The following ATP2B1 variants were observed in gnomAD, a reference collection of about 807,000 sequenced individuals.
The protein encoded by ATP2B1 is ATPase plasma membrane Ca2+ transporting 1.
A neutral mutation model predicts 124.2 loss-of-function variants in ATP2B1; 14 were observed. The observed-to-expected ratio is 0.11, with a 90% CI of 0.07 to 0.18. The LOEUF (loss-of-function observed/expected upper bound fraction) is 0.18, where lower values mean the gene tolerates loss of function less well. ATP2B1 is among the 10% of genes least tolerant of loss of function. The pLI is 1.00. For missense variants in ATP2B1, 763 were observed against 1,466.1 expected (o/e 0.52, Z 7.83); for synonymous variants, 449 against 492.4 (o/e 0.91, Z 1.17).
chr12:89,644,513 A>G (rs1450154353), intron 2 of ATP2B1, among the ~76,000 whole-genome samples: 1 of 152,048 alleles, frequency 6.6e-6, no homozygotes, highest in Non-Finnish European at 1.5e-5. Flanking sequence ...CAATACGGAA[A>G]GTATTTTAGA....
intron 1 of ATP2B1, among the ~76,000 whole-genome samples, chr12:89,692,536 GAATT>G (rs1394912140): frequency 1.3e-5 from 2 of 152,154 alleles, no homozygotes; most frequent in Non-Finnish European, 2.9e-5. Context: ...TCAGAGAAAT[GAATT>G]AATAATTACA....
intron 1 of ATP2B1, among the ~76,000 whole-genome samples, chr12:89,705,317 A>G (rs1444619751): frequency 2.0e-5 from 3 of 152,140 alleles, no homozygotes; most frequent in Non-Finnish European, 2.9e-5. Flanking sequence ...CTACTAGAAA[A>G]TAATTATTCC....
intron 7 of ATP2B1, among the ~76,000 whole-genome samples, chr12:89,627,216 C>A (rs565343813): frequency 6.6e-6 from 1 of 152,138 alleles, no homozygotes; most frequent in African/African-American, 2.4e-5. Flanking sequence ...CACACCTGAT[C>A]TCCTGTGATG....
At position 89,681,011 on chromosome 12, in the gene ATP2B1, T is replaced by C. The variant is rs952958623; in HGVS notation, c.-221-24904A>G. Among the ~76,000 whole-genome samples the C allele has an allele frequency of 4.6e-5, 7 of 152,298 alleles. No homozygotes were observed. In the South Asian group the frequency reaches 6.2e-4, roughly 14 times the overall value. On this transcript the variant is annotated intron_variant, in intron 1 of 20. Coordinates refer to ENST00000428670, the MANE Select transcript of ATP2B1 (RefSeq NM_001366521.1). ...GAATGTACAAGAACTCAGCAATACA[T>C]TGGAGCATTCCTAAGGAATTTATTA...
At chr12:89,599,065 T>C in intron 20 of ATP2B1, 52 bp downstream of exon 20, 1 of 1,571,946 alleles carries the variant, frequency 6.4e-7, no homozygotes, top group Non-Finnish European at 8.6e-7. Flanking sequence ...CCTCCCCAGG[T>C]CAAAAAGCCC....
chr12:89,631,048 A>G (rs1159899525), intron 5 of ATP2B1, among the ~76,000 whole-genome samples: 1 of 152,120 alleles, frequency 6.6e-6, no homozygotes, highest in African/African-American at 2.4e-5. Context: ...CTGGGATTAC[A>G]GATGTGAGCC....
At chr12:89,702,337 T>TA (rs1321364323) in intron 1 of ATP2B1, among the ~76,000 whole-genome samples, 10 of 151,456 alleles carry the variant, frequency 6.6e-5, no homozygotes, top group African/African-American at 1.7e-4. Context: ...AAGAGAAAAA[T>TA]AAAAAAAAGA....
At chr12:89,638,528 TAC>T (rs1384184687) in intron 3 of ATP2B1, among the ~76,000 whole-genome samples, 1 of 152,182 alleles carries the variant, frequency 6.6e-6, no homozygotes, top group Admixed American at 6.5e-5. Context: ...ACATAATAAA[TAC>T]AGAAGCAGAC....
chr12:89,663,771 C>A (rs1886980517), intron 1 of ATP2B1, among the ~76,000 whole-genome samples: 3 of 152,198 alleles, frequency 2.0e-5, no homozygotes, highest in African/African-American at 2.4e-5. Flanking sequence ...TACTAGCAAC[C>A]TTTGCTACTG....
At chr12:89,641,414 C>CAT (rs1407918077) in intron 3 of ATP2B1, among the ~76,000 whole-genome samples, 1 of 152,124 alleles carries the variant, frequency 6.6e-6, no homozygotes, top group East Asian at 1.9e-4. Flanking sequence ...GGAATATGTG[C>CAT]ATATATATAA....
intron 1 of ATP2B1, among the ~76,000 whole-genome samples, chr12:89,698,166 G>A (rs1891397778): frequency 6.6e-6 from 1 of 152,126 alleles, no homozygotes; most frequent in Non-Finnish European, 1.5e-5. Flanking sequence ...AAACACAAAT[G>A]CTTCCTAAAG....
At chr12:89,652,787 A>G (rs866975234) in intron 2 of ATP2B1, among the ~76,000 whole-genome samples, 2 of 152,278 alleles carry the variant, frequency 1.3e-5, no homozygotes, top group Middle Eastern at 3.4e-3. Flanking sequence ...ACCCAGGCTG[A>G]GGTGCAGTGG....
chr12:89,624,473 C>T, intron 8 of ATP2B1, 76 bp from the exon 9 acceptor site: 1 of 1,201,408 alleles, frequency 8.3e-7, no homozygotes, highest in Non-Finnish European at 1.2e-6. Context: ...ATAAATTAAA[C>T]ACTGTAAAGA....
intron 1 of ATP2B1, among the ~76,000 whole-genome samples, chr12:89,659,154 A>G (rs955574829): frequency 6.6e-6 from 1 of 152,260 alleles, no homozygotes; most frequent in African/African-American, 2.4e-5. Context: ...AAAGCAGAAC[A>G]TCTATTTTGC....
chr12:89,661,710 G>C (rs989214705), intron 1 of ATP2B1, among the ~76,000 whole-genome samples: 5 of 152,168 alleles, frequency 3.3e-5, no homozygotes, highest in African/African-American at 1.2e-4. Flanking sequence ...TTTCAAAAAA[G>C]AACTCAAGAG....
At chr12:89,591,419 T>G (rs1025690387) in intron 20 of ATP2B1, 124 bp from the exon 21 acceptor site, 1 of 796,470 alleles carries the variant, frequency 1.3e-6, no homozygotes, top group Non-Finnish European at 1.9e-6. Flanking sequence ...TGTAATGCAG[T>G]GGAACTTGCA....
intron 1 of ATP2B1, among the ~76,000 whole-genome samples, chr12:89,704,276 T>C (rs1892190750): frequency 6.6e-6 from 1 of 152,050 alleles, no homozygotes; most frequent in African/African-American, 2.4e-5. Flanking sequence ...ATTCCTAACT[T>C]AAAAAAATCC....
chr12:89,700,140 C>T (rs1396581914), intron 1 of ATP2B1, among the ~76,000 whole-genome samples: 2 of 151,962 alleles, frequency 1.3e-5, no homozygotes, highest in African/African-American at 4.8e-5. Flanking sequence ...AGGCAGGAGC[C>T]ACTGCGCTCG....
intron 1 of ATP2B1, among the ~76,000 whole-genome samples, chr12:89,701,495 T>C (rs1306580696): frequency 6.6e-6 from 1 of 152,240 alleles, no homozygotes; most frequent in Admixed American, 6.5e-5. Flanking sequence ...GTGTAGCTTC[T>C]GTTAAAGTAA....
Sources: gnomAD v4.1 joint callset for allele counts (sites outside exome capture counted in the v4.1 genomes callset) on GRCh38, gnomAD v4.1.1 for gene constraint, MANE v1.5 for transcripts, NCBI Gene and HGNC (gene_info 2026-07-23, HGNC 2026-07-21) for gene names.